SFMBT1: variants seen among roughly 807,000 people sequenced by gnomAD.
SFMBT1 encodes scm-like with four MBT domains protein 1.
A neutral mutation model predicts 108.7 loss-of-function variants in SFMBT1; 32 were observed. That is an observed-to-expected ratio of 0.29 (90% CI 0.22 to 0.40). The LOEUF is 0.40. Ranked by LOEUF, SFMBT1 falls within the 10% of genes least tolerant of loss-of-function variation. The probability of loss-of-function intolerance (pLI) is 1.00; values close to 1 mark genes in which losing one functional copy is unlikely to be tolerated. For missense variants in SFMBT1, 816 were observed against 1,059.6 expected (o/e 0.77, Z 3.19); for synonymous variants, 348 against 369.5 (o/e 0.94, Z 0.67).
chr3:52,928,655 C>CATATATACACATATATATAT (rs1377767825), intron 8 of SFMBT1, among the ~76,000 whole-genome samples: 3 of 26,770 alleles, frequency 1.1e-4, no homozygotes, highest in African/African-American at 2.4e-4. Context: ...TATATATATA[C>CATATATACACATATATATAT]ACATATATAC....
At chr3:52,906,748 A>C (rs926133484) in intron 19 of SFMBT1, among the ~76,000 whole-genome samples, 3 of 152,244 alleles carry the variant, frequency 2.0e-5, no homozygotes, top group Non-Finnish European at 4.4e-5. Flanking sequence ...AACCATATAT[A>C]TTATGAAACA....
At chr3:53,027,443 C>G (rs1435627679) in intron 1 of SFMBT1, among the ~76,000 whole-genome samples, 5 of 152,228 alleles carry the variant, frequency 3.3e-5, no homozygotes, top group Non-Finnish European at 5.9e-5. Flanking sequence ...CCTGGCACCA[C>G]TGCTTCATGT....
intron 2 of SFMBT1, among the ~76,000 whole-genome samples, chr3:52,963,101 C>A (rs1559528464): frequency 6.6e-6 from 1 of 151,658 alleles, no homozygotes; most frequent in Non-Finnish European, 1.5e-5. Flanking sequence ...ACAAGAGGTT[C>A]TCTTGCCTCA....
chr3:53,013,138 G>A (rs957572352), intron 1 of SFMBT1, among the ~76,000 whole-genome samples: 1 of 151,630 alleles, frequency 6.6e-6, no homozygotes, highest in Non-Finnish European at 1.5e-5. Context: ...TTATAATGTT[G>A]GCAAAAACAC....
At chr3:52,998,059 T>A (rs961239257) in intron 1 of SFMBT1, among the ~76,000 whole-genome samples, 1 of 150,640 alleles carries the variant, frequency 6.6e-6, no homozygotes, top group African/African-American at 2.4e-5. Context: ...GAAAATTTTT[T>A]AAATTACAGC....
intron 1 of SFMBT1, among the ~76,000 whole-genome samples, chr3:53,039,808 T>C (rs1293978635): frequency 1.3e-5 from 2 of 152,156 alleles, no homozygotes; most frequent in Non-Finnish European, 2.9e-5. Flanking sequence ...CTAATTTTGG[T>C]ATACTTTTTT....
intron 1 of SFMBT1, among the ~76,000 whole-genome samples, chr3:53,036,598 T>C (rs1699877677): frequency 1.3e-5 from 2 of 152,222 alleles, no homozygotes; most frequent in South Asian, 2.1e-4. Context: ...GAGATGCCAG[T>C]GTGGCACCCA....
At chr3:52,907,494 A>C (rs1702095539) in intron 18 of SFMBT1, 61 bp downstream of exon 18, 16 of 1,557,978 alleles carry the variant, frequency 1.0e-5, no homozygotes, top group Non-Finnish European at 1.3e-5. Flanking sequence ...TTCTGTGTCC[A>C]TACTATAAAG....
chr3:52,973,336 T>G (rs188363835), intron 1 of SFMBT1, among the ~76,000 whole-genome samples: 164 of 152,300 alleles, frequency 1.1e-3, no homozygotes, highest in Non-Finnish European at 1.9e-3. Flanking sequence ...GGTGCCTAGA[T>G]ATTTGGAGGG....
chr3:52,941,804 T>G (rs2106812602), intron 4 of SFMBT1, among the ~76,000 whole-genome samples: 1 of 151,168 alleles, frequency 6.6e-6, no homozygotes, highest in South Asian at 2.1e-4. Context: ...AGGGGTGAGG[T>G]GGGAGAATCA....
At chr3:52,955,890 G>A (rs940649254) in intron 2 of SFMBT1, among the ~76,000 whole-genome samples, 2 of 152,124 alleles carry the variant, frequency 1.3e-5, no homozygotes, top group African/African-American at 4.8e-5. Context: ...ACCTGTCAGA[G>A]AAACAACAAC....
At chr3:52,906,036 A>G in intron 20 of SFMBT1, 77 bp downstream of exon 20, 1 of 1,499,014 alleles carries the variant, frequency 6.7e-7, no homozygotes. Flanking sequence ...TAAAACTTGT[A>G]AATAAATTGT....
At chr3:52,970,651 G>T (rs1704308554) in intron 1 of SFMBT1, among the ~76,000 whole-genome samples, 1 of 152,192 alleles carries the variant, frequency 6.6e-6, no homozygotes, top group Non-Finnish European at 1.5e-5. Flanking sequence ...TAACAGCACA[G>T]CTTTGGGAGT....
intron 2 of SFMBT1, among the ~76,000 whole-genome samples, chr3:52,959,199 G>A (rs1286061461): frequency 6.6e-6 from 1 of 152,086 alleles, no homozygotes; most frequent in Non-Finnish European, 1.5e-5. Context: ...GTGATGAGTT[G>A]ATAGGTGCAG....
At chr3:52,974,451 A>G (rs1368087404) in intron 1 of SFMBT1, among the ~76,000 whole-genome samples, 4 of 152,174 alleles carry the variant, frequency 2.6e-5, no homozygotes, top group African/African-American at 7.2e-5. Flanking sequence ...CACTCTTACT[A>G]TAGTCAACTG....
intron 1 of SFMBT1, among the ~76,000 whole-genome samples, chr3:52,993,178 T>A (rs1416139224): frequency 1.5e-5 from 2 of 132,518 alleles, no homozygotes; most frequent in African/African-American, 5.0e-5. Context: ...TGCAAAAGCC[T>A]TAACATTTAT....
chr3:53,040,808 T>G (rs13100714), intron 1 of SFMBT1, among the ~76,000 whole-genome samples: 13,136 of 151,672 alleles, frequency 0.087, 589 homozygotes, highest in East Asian at 0.12. Context: ...TACTTTTTTT[T>G]TTGTTTTTAT....
At chr3:52,921,930 G>T in intron 10 of SFMBT1, 99 bp from the exon 11 acceptor site, 1 of 1,158,240 alleles carries the variant, frequency 8.6e-7, no homozygotes, top group Non-Finnish European at 1.3e-6. Context: ...TAATCCCTAG[G>T]TTTAAAGATA....
chr3:52,987,360 T>G (rs1704961283), intron 1 of SFMBT1, among the ~76,000 whole-genome samples: 1 of 149,990 alleles, frequency 6.7e-6, no homozygotes, highest in African/African-American at 2.4e-5. Context: ...AGTGCAGGTT[T>G]ATTTACACCA....
Sources: gnomAD v4.1 joint callset for allele counts (sites outside exome capture counted in the v4.1 genomes callset) on GRCh38, gnomAD v4.1.1 for gene constraint, MANE v1.5 for transcripts, NCBI Gene and HGNC (gene_info 2026-07-23, HGNC 2026-07-21) for gene names.